MZT2B: variants seen among roughly 807,000 people sequenced by gnomAD.
MZT2B encodes the protein mitotic spindle organizing protein 2B.
In MZT2B, 11 loss-of-function variants were observed where a neutral mutation model predicts 12.1. That is an observed-to-expected ratio of 0.91 (90% CI 0.57 to 1.50). MZT2B has a LOEUF of 1.50. Among genes scored for constraint, MZT2B ranks in the 40% most tolerant of loss-of-function variants. The pLI is 0.00. For missense variants in MZT2B, 209 were observed against 227.7 expected, an observed-to-expected ratio of 0.92 and a Z score of 0.53; for synonymous variants, 85 against 109.5, an observed-to-expected ratio of 0.78 and a Z score of 1.40.
the MZT2B span, chr2:130,204,461 C>T: frequency 6.5e-5 from 23 of 351,644 alleles, no homozygotes; most frequent in African/African-American, 2.8e-4. Context: ...GAGGTCGAGG[C>T]GGGTGGATGG....
the MZT2B span, chr2:130,202,565 AG>A: frequency 1.1e-6 from 1 of 887,268 alleles, no homozygotes; most frequent in Non-Finnish European, 1.5e-6. Flanking sequence ...TGCTGCAAGC[AG>A]GACAACAGGG....
chr2:130,198,344 G>C, the MZT2B span: 2 of 1,353,524 alleles, frequency 1.5e-6, 1 homozygote. Flanking sequence ...GGGCGGGAGT[G>C]ACCCGGGTCT....
downstream of MZT2B, chr2:130,191,688 C>T: frequency 7.0e-7 from 1 of 1,435,292 alleles, no homozygotes. Context: ...TCCATGCAGG[C>T]TCTGGGGTCC....
At chr2:130,197,675 C>T in the MZT2B span, among the ~76,000 whole-genome samples, 1 of 125,686 alleles carries the variant, frequency 8.0e-6, no homozygotes, top group African/African-American at 2.8e-5. Flanking sequence ...GGCGCCATCA[C>T]GACTCACTGC....
At chr2:130,182,180 G>A, upstream of MZT2B, 1 of 1,263,422 alleles carries the variant, frequency 7.9e-7, no homozygotes, top group Non-Finnish European at 1.0e-6. Flanking sequence ...CTCCCGCCAG[G>A]GCAGCCCGGG....
chr2:130,188,829 AGGAGTCTC>A (rs765870658), intron 2 of MZT2B, among the ~76,000 whole-genome samples: 20 of 152,040 alleles, frequency 1.3e-4, no homozygotes, highest in Non-Finnish European at 2.4e-4. Flanking sequence ...TCTCAGACAC[AGGAGTCTC>A]TGCTTGTTCA....
chr2:130,184,649 C>T (rs1689987966), intron 2 of MZT2B: 2 of 985,384 alleles, frequency 2.0e-6, no homozygotes, highest in East Asian at 1.1e-4. Context: ...AGGGACAGGC[C>T]TGGAGTAGGG....
chr2:130,194,529 G>A, downstream of MZT2B: 1 of 1,482,372 alleles, frequency 6.7e-7, no homozygotes, highest in Non-Finnish European at 9.0e-7. Flanking sequence ...CCTCCAACAA[G>A]CCAGGGCCGC....
upstream of MZT2B, chr2:130,182,244 C>T (rs2104952239): frequency 8.1e-7 from 1 of 1,235,614 alleles, no homozygotes; most frequent in South Asian, 3.5e-5. Flanking sequence ...CGCTAGGGGG[C>T]GCGGCGGGGC....
chr2:130,195,889 GC>G, the MZT2B span, among the ~76,000 whole-genome samples: 18 of 152,178 alleles, frequency 1.2e-4, 1 homozygote, highest in African/African-American at 4.3e-4. Context: ...GGCTGAGGCA[GC>G]CATGAGGGAA....
Position 130,184,112 on chromosome 2 carries a change from C to T in MZT2B, c.319+1337C>T, listed in dbSNP as rs778166409. ...TGCCCTGCCGCTTAGCCACAGGGCA[C>T]GATTTCTGACTCGGTTTATTAGAGA... On this transcript the variant is annotated intron_variant, in intron 2 of 2. Coordinates refer to ENST00000281871, the MANE Select transcript of MZT2B (RefSeq NM_025029.5). 77 of 1,528,652 alleles carry T rather than the reference C, an allele frequency of 5.0e-5. No homozygotes were observed. In the South Asian group the frequency reaches 5.2e-4, roughly 10 times the overall value. 94.7% of individuals were successfully genotyped at this position (1,528,652 alleles called of 1,614,324 possible). A position where few individuals can be genotyped will look rare whatever the true frequency, so the allele number is the denominator to read the frequency against.
intron 2 of MZT2B, among the ~76,000 whole-genome samples, chr2:130,185,560 A>G (rs1573762180): frequency 8.8e-6 from 1 of 113,624 alleles, no homozygotes; most frequent in African/African-American, 3.2e-5. Flanking sequence ...AGGGTTACAC[A>G]GGGGGGTAAC....
the MZT2B span, among the ~76,000 whole-genome samples, chr2:130,196,674 G>A: frequency 1.8e-4 from 28 of 152,250 alleles, no homozygotes; most frequent in East Asian, 4.4e-3. Flanking sequence ...ATTATAGCCC[G>A]TCACAGTAAT....
the MZT2B span, among the ~76,000 whole-genome samples, chr2:130,204,596 CAGG>C: frequency 6.7e-6 from 1 of 150,336 alleles, no homozygotes; most frequent in Non-Finnish European, 1.5e-5. Flanking sequence ...GAGGCTGAAG[CAGG>C]AGAATTGCTT....
chr2:130,186,087 C>T (rs112709881), intron 2 of MZT2B, among the ~76,000 whole-genome samples: 17 of 151,970 alleles, frequency 1.1e-4, no homozygotes, highest in African/African-American at 3.9e-4. Context: ...AGCATCTGAC[C>T]ACACAGAGCT....
intron 2 of MZT2B, among the ~76,000 whole-genome samples, chr2:130,190,177 G>C: frequency 6.6e-6 from 1 of 152,096 alleles, no homozygotes; most frequent in Non-Finnish European, 1.5e-5. Context: ...TCCCTAAATG[G>C]GCCCGTGGCA....
chr2:130,198,297 C>G, the MZT2B span: 21 of 1,347,644 alleles, frequency 1.6e-5, 7 homozygotes, highest in Non-Finnish European at 2.1e-5. Context: ...GTCCCTCTGT[C>G]CACCCGAGGC....
At chr2:130,196,350 C>T in the MZT2B span, 8 of 1,613,774 alleles carry the variant, frequency 5.0e-6, no homozygotes, top group Admixed American at 5.0e-5. Flanking sequence ...GCCTGCCCCA[C>T]GTGGATAGAG....
At chr2:130,202,559 GC>G in the MZT2B span, 3 of 946,210 alleles carry the variant, frequency 3.2e-6, no homozygotes, top group Non-Finnish European at 4.1e-6. Context: ...TGTCCCTGCT[GC>G]AAGCAGGACA....
Sources: gnomAD v4.1 joint callset for allele counts (sites outside exome capture counted in the v4.1 genomes callset) on GRCh38, gnomAD v4.1.1 for gene constraint, MANE v1.5 for transcripts, NCBI Gene and HGNC (gene_info 2026-07-23, HGNC 2026-07-21) for gene names.